Variants in KCNH7 observed in about 807,000 individuals in gnomAD.
The protein encoded by KCNH7 is voltage-gated inwardly rectifying potassium channel KCNH7.
Under a neutral mutation model 120.8 loss-of-function variants are expected in KCNH7, and 49 were observed. That is an observed-to-expected ratio of 0.41 (90% CI 0.32 to 0.51). The LOEUF is 0.51. Among genes scored for constraint, KCNH7 ranks in the 20% least tolerant of loss-of-function variants. The probability of loss-of-function intolerance (pLI) is 0.38; values close to 1 mark genes in which losing one functional copy is unlikely to be tolerated. For missense variants in KCNH7, 1,097 were observed against 1,446.6 expected (o/e 0.76, Z 3.92); for synonymous variants, 547 against 516.1 (o/e 1.06, Z -0.81).
intron 9 of KCNH7, among the ~76,000 whole-genome samples, chr2:162,413,394 T>C (rs1429955739): frequency 6.6e-5 from 10 of 152,150 alleles, no homozygotes; most frequent in Non-Finnish European, 4.4e-5. Context: ...CCCAAAGTGC[T>C]GGAATTACAG....
intron 2 of KCNH7, among the ~76,000 whole-genome samples, chr2:162,620,278 T>C (rs574400647): frequency 6.6e-6 from 1 of 151,490 alleles, no homozygotes; most frequent in Non-Finnish European, 1.5e-5. Flanking sequence ...TATGTATGTA[T>C]ATAAAATTCT....
At chr2:162,688,822 A>G (rs570651795) in intron 2 of KCNH7, among the ~76,000 whole-genome samples, 1 of 146,272 alleles carries the variant, frequency 6.8e-6, no homozygotes, top group East Asian at 2.1e-4. Flanking sequence ...AGGTGGGTGT[A>G]TGGTCTTGTC....
Position 162,517,949 on chromosome 2 carries a change from A to G in KCNH7, c.673T>C (p.Cys225Arg), listed in dbSNP as rs1332102665. The change falls in exon 4 of 16, where the codon TGT becomes CGT. Residue 225 changes from cysteine (C) to arginine (R), a missense_variant. Around this residue, in one of 8 missense-constraint regions of KCNH7, gnomAD observed 362 missense variants for 372.2 expected, o/e 0.97. Coordinates refer to ENST00000332142, the MANE Select transcript of KCNH7 (RefSeq NM_033272.4). ...CCGGATATATTCACCAAGGGAGAAC[A>G]TTTGCTGGGCTGTATCAAAGCTTTT... is the stretch of plus-strand genomic sequence containing the variant. ...DTKALIQPSK[C>R]SPLVNISGPL... 1 of 1,612,414 alleles carries G rather than the reference A, an allele frequency of 6.2e-7. No individual in the cohort carries two copies. The highest frequency in any genetic ancestry group is 8.5e-7 in the Non-Finnish European group (1 of 1,178,902).
intron 2 of KCNH7, among the ~76,000 whole-genome samples, chr2:162,537,518 C>T (rs1041392915): frequency 6.6e-6 from 1 of 151,938 alleles, no homozygotes; most frequent in Non-Finnish European, 1.5e-5. Flanking sequence ...AACTTATGTG[C>T]TTTTTCTCTT....
chr2:162,794,684 G>T (rs979143052), intron 2 of KCNH7, among the ~76,000 whole-genome samples: 1 of 151,950 alleles, frequency 6.6e-6, no homozygotes, highest in African/African-American at 2.4e-5. Flanking sequence ...AGTTTTACTT[G>T]ATTGAATTAC....
At chr2:162,713,078 C>A (rs1282120867) in intron 2 of KCNH7, among the ~76,000 whole-genome samples, 1 of 152,184 alleles carries the variant, frequency 6.6e-6, no homozygotes, top group African/African-American at 2.4e-5. Flanking sequence ...GCACCCACCA[C>A]CACACCCAGC....
At chr2:162,656,778 A>G (rs1385324574) in intron 2 of KCNH7, among the ~76,000 whole-genome samples, 1 of 152,172 alleles carries the variant, frequency 6.6e-6, no homozygotes, top group Non-Finnish European at 1.5e-5. Context: ...ATCAAAGGAG[A>G]GTAGAAAAAT....
At chr2:162,594,147 TG>T (rs1355059686) in intron 2 of KCNH7, among the ~76,000 whole-genome samples, 1 of 151,966 alleles carries the variant, frequency 6.6e-6, no homozygotes, top group African/African-American at 2.4e-5. Flanking sequence ...TTTCAGAATT[TG>T]GGGAAGGTGA....
rs910982829 is a variant in KCNH7, at chr2:162,665,320, A to G, written c.308-128240T>C. 2.0e-5 allele frequency among the ~76,000 whole-genome samples: 3 copies of G among 152,116 alleles called. No individual in the cohort carries two copies. In the East Asian group the frequency reaches 5.8e-4, roughly 29 times the overall value. ...CAAAATCCTCATTTTTATTATAGGT[A>G]TATTGAATAAATCCAAAGTCACAGT... On this transcript the variant is annotated intron_variant, in intron 2 of 15. Coordinates refer to ENST00000332142, the MANE Select transcript of KCNH7 (RefSeq NM_033272.4).
intron 2 of KCNH7, among the ~76,000 whole-genome samples, chr2:162,829,610 T>C (rs1025703792): frequency 6.6e-6 from 1 of 152,148 alleles, no homozygotes; most frequent in Non-Finnish European, 1.5e-5. Flanking sequence ...TAATAATTTC[T>C]GGTGAGTAGA....
chr2:162,386,557 G>A (rs1159052105), intron 12 of KCNH7, among the ~76,000 whole-genome samples: 1 of 151,680 alleles, frequency 6.6e-6, no homozygotes, highest in East Asian at 1.9e-4. Flanking sequence ...TGTCACTTGG[G>A]AACCAGAGAT....
intron 5 of KCNH7, among the ~76,000 whole-genome samples, chr2:162,506,865 G>A (rs375767949): frequency 6.6e-6 from 1 of 151,698 alleles, no homozygotes; most frequent in Non-Finnish European, 1.5e-5. Flanking sequence ...AGATTTGTGG[G>A]GGCATTTTTT....
At chr2:162,436,608 A>G (rs1310321286) in intron 7 of KCNH7, among the ~76,000 whole-genome samples, 2 of 152,150 alleles carry the variant, frequency 1.3e-5, no homozygotes, top group African/African-American at 4.8e-5. Flanking sequence ...CAGGGCATAT[A>G]ATTATTCCAT....
At chr2:162,440,199 TA>T (rs1688377806) in intron 7 of KCNH7, among the ~76,000 whole-genome samples, 2 of 152,094 alleles carry the variant, frequency 1.3e-5, no homozygotes, top group South Asian at 4.1e-4. Flanking sequence ...ATTTACTCTC[TA>T]AAACCTTTGC....
intron 2 of KCNH7, among the ~76,000 whole-genome samples, chr2:162,635,984 A>C (rs1247566943): frequency 1.3e-5 from 2 of 152,022 alleles, no homozygotes; most frequent in Non-Finnish European, 2.9e-5. Context: ...AATACATCAA[A>C]AGCTCACTTT....
chr2:162,615,263 T>C (rs1341545798), intron 2 of KCNH7, among the ~76,000 whole-genome samples: 2 of 152,220 alleles, frequency 1.3e-5, no homozygotes, highest in African/African-American at 2.4e-5. Context: ...CATAGAAAAC[T>C]GCTGTGCCTC....
At chr2:162,719,409 A>G (rs1687247011) in intron 2 of KCNH7, among the ~76,000 whole-genome samples, 1 of 151,992 alleles carries the variant, frequency 6.6e-6, no homozygotes, top group Non-Finnish European at 1.5e-5. Flanking sequence ...ATAAATCCTA[A>G]CTTGTATTCT....
intron 6 of KCNH7, among the ~76,000 whole-genome samples, chr2:162,498,592 C>T (rs780110644): frequency 1.3e-5 from 2 of 151,998 alleles, no homozygotes; most frequent in African/African-American, 4.8e-5. Context: ...GATTCTCCTG[C>T]TTTACAGGCT....
intron 8 of KCNH7, among the ~76,000 whole-genome samples, chr2:162,425,578 G>A (rs1186937384): frequency 6.6e-6 from 1 of 152,058 alleles, no homozygotes; most frequent in Non-Finnish European, 1.5e-5. Flanking sequence ...AAATGTAGTG[G>A]GGAAACAATT....
Sources: allele counts gnomAD v4.1 joint callset (sites outside exome capture counted in the v4.1 genomes callset), GRCh38; gene constraint gnomAD v4.1.1; regional missense constraint gnomAD v4.1.1; transcripts MANE v1.5; gene names NCBI Gene and HGNC (gene_info 2026-07-23, HGNC 2026-07-21).